Variants in MALRD1 observed in about 807,000 individuals in gnomAD.
MALRD1 encodes MAM and LDL receptor class A domain containing 1.
A neutral mutation model predicts 242.1 loss-of-function variants in MALRD1; 247 were observed. That is an observed-to-expected ratio of 1.02 (90% confidence interval 0.92 to 1.13). The LOEUF (loss-of-function observed/expected upper bound fraction) is 1.13, where lower values mean the gene tolerates loss of function less well. Ranked by LOEUF, MALRD1 falls within the 50% of genes most tolerant of loss-of-function variation. MALRD1 has a pLI of 0.00. For missense variants in MALRD1, 2,989 were observed against 2,533.1 expected (o/e 1.18, Z -3.86); for synonymous variants, 995 against 866.6 (o/e 1.15, Z -2.60).
chr10:19,432,956 C>T (rs1429165017), intron 28 of MALRD1, among the ~76,000 whole-genome samples: 2 of 152,084 alleles, frequency 1.3e-5, no homozygotes, highest in Non-Finnish European at 2.9e-5. Flanking sequence ...CATGCACACT[C>T]ATTATCTCTT....
chr10:19,107,302 G>C (rs1836498115), intron 5 of MALRD1, among the ~76,000 whole-genome samples: 1 of 151,794 alleles, frequency 6.6e-6, no homozygotes, highest in African/African-American at 2.4e-5. Context: ...TATATATTGG[G>C]AGGTCTAGTT....
At position 19,161,508 on chromosome 10, in the gene MALRD1, A is replaced by AT. The variant is rs1422786385; in HGVS notation, c.1657-4129_1657-4128insT. Among the ~76,000 whole-genome samples, 2 of 134,188 alleles carry AT rather than the reference A, an allele frequency of 1.5e-5. 1 individual carries two copies. Among genetic ancestry groups the AT allele is most frequent in the African/African-American group, 5.3e-5 (2 of 37,564 alleles). The allele number at this position is 134,188 out of a possible 152,430, so 88.0% of individuals were successfully genotyped here. A position where few individuals can be genotyped will look rare whatever the true frequency, so the allele number is the denominator to read the frequency against. On this transcript the variant is annotated intron_variant, in intron 12 of 39. Transcript: ENST00000454679. ...CCCTAAAACTTAGAGTATAATAAAAAAAATAAATAAATAAATATAATAAAA... is the reference window on the plus strand; with the variant it reads ...CCCTAAAACTTAGAGTATAATAAAAATAAATAAATAAATAAATATAATAAAA...
intron 29 of MALRD1, among the ~76,000 whole-genome samples, chr10:19,455,040 A>G (rs1835571176): frequency 6.6e-6 from 1 of 152,190 alleles, no homozygotes; most frequent in Non-Finnish European, 1.5e-5. Context: ...CTGTCCAGGA[A>G]CACAATAAGA....
At chr10:19,264,753 C>T (rs1345987100) in intron 19 of MALRD1, among the ~76,000 whole-genome samples, 1 of 151,936 alleles carries the variant, frequency 6.6e-6, no homozygotes, top group Non-Finnish European at 1.5e-5. Context: ...ACGCCCAGCC[C>T]AGGCTGATCT....
At chr10:19,068,730 A>C (rs1835054578) in intron 2 of MALRD1, among the ~76,000 whole-genome samples, 1 of 152,110 alleles carries the variant, frequency 6.6e-6, no homozygotes, top group Admixed American at 6.6e-5. Flanking sequence ...AATGGTCTGA[A>C]TCCTGTCTTT....
intron 32 of MALRD1, among the ~76,000 whole-genome samples, chr10:19,555,255 A>G (rs1051619050): frequency 6.6e-6 from 1 of 151,806 alleles, no homozygotes; most frequent in Admixed American, 6.6e-5. Context: ...TGACCCAAAC[A>G]CCTCCTACCA....
intron 9 of MALRD1, 31 bp downstream of exon 9, chr10:19,133,979 A>T: frequency 9.0e-7 from 1 of 1,110,650 alleles, no homozygotes; most frequent in Non-Finnish European, 1.1e-6. Flanking sequence ...GTATTTTTTT[A>T]TCATGGTTTA....
At chr10:19,137,201 AGTAGGAGGAGG>A (rs1588599166) in intron 10 of MALRD1, among the ~76,000 whole-genome samples, 1 of 151,990 alleles carries the variant, frequency 6.6e-6, no homozygotes, top group East Asian at 2.0e-4. Flanking sequence ...GGGAGGGATG[AGTAGGAGGAGG>A]GTGGCCCTTC....
chr10:19,194,405 A>ATCTCTTCTTTTTC (rs1302083933), intron 14 of MALRD1, among the ~76,000 whole-genome samples: 2 of 152,170 alleles, frequency 1.3e-5, no homozygotes. Context: ...ATCCAGTAAC[A>ATCTCTTCTTTTTC]ACAAAACGTT....
At chr10:19,217,953 A>G (rs1837395213) in intron 18 of MALRD1, among the ~76,000 whole-genome samples, 1 of 152,116 alleles carries the variant, frequency 6.6e-6, no homozygotes, top group African/African-American at 2.4e-5. Context: ...ATGTTTGTTG[A>G]GTGGCTGTTT....
chr10:19,367,295 C>G (rs576786426), intron 26 of MALRD1, among the ~76,000 whole-genome samples: 2 of 151,986 alleles, frequency 1.3e-5, no homozygotes, highest in Non-Finnish European at 2.9e-5. Context: ...CTCTAGTATC[C>G]TCTGTTCTAC....
chr10:19,481,639 C>T (rs1402751377), intron 29 of MALRD1, among the ~76,000 whole-genome samples: 1 of 151,974 alleles, frequency 6.6e-6, no homozygotes, highest in East Asian at 1.9e-4. Flanking sequence ...ATCTTCTAGT[C>T]ATATTTATTT....
chr10:19,588,736 G>A (rs1253796713), intron 33 of MALRD1, among the ~76,000 whole-genome samples: 1 of 152,132 alleles, frequency 6.6e-6, no homozygotes, highest in Non-Finnish European at 1.5e-5. Flanking sequence ...TCCACCTCCT[G>A]GGTTACAGTG....
intron 32 of MALRD1, among the ~76,000 whole-genome samples, chr10:19,533,832 C>T (rs1288786745): frequency 6.6e-6 from 1 of 152,230 alleles, no homozygotes; most frequent in Non-Finnish European, 1.5e-5. Flanking sequence ...AATATCCAAA[C>T]TGTATCAGCG....
At chr10:19,178,287 T>C (rs1292037961) in intron 14 of MALRD1, among the ~76,000 whole-genome samples, 1 of 152,226 alleles carries the variant, frequency 6.6e-6, no homozygotes, top group East Asian at 1.9e-4. Context: ...AAAAGGCATT[T>C]CTTATTGTTT....
chr10:19,623,789 G>T (rs533604022), intron 36 of MALRD1, among the ~76,000 whole-genome samples: 1 of 152,064 alleles, frequency 6.6e-6, no homozygotes, highest in South Asian at 2.1e-4. Context: ...TAGTGAAGGT[G>T]AATCTTTTTT....
At chr10:19,166,099 G>A (rs1161593389) in intron 13 of MALRD1, among the ~76,000 whole-genome samples, 1 of 152,162 alleles carries the variant, frequency 6.6e-6, no homozygotes, top group African/African-American at 2.4e-5. Flanking sequence ...GACATGTGTA[G>A]AATAGTAGCA....
intron 21 of MALRD1, among the ~76,000 whole-genome samples, chr10:19,302,773 C>A (rs1019499541): frequency 6.6e-6 from 1 of 151,254 alleles, no homozygotes; most frequent in Non-Finnish European, 1.5e-5. Context: ...AATTACAACT[C>A]AAGGCTAATT....
rs1484132630 is a variant in MALRD1, at chr10:19,176,366, C to CCTTTTTTTTTTTTTTTTTTTTTTT, written c.1951+1038_1951+1039insCTTTTTTTTTTTTTTTTTTTTTTT. On this transcript the variant is annotated intron_variant, in intron 14 of 39. Transcript: ENST00000454679. ...TCGAGAGAGTGTATATTTCTGGGTG[C>CCTTTTTTTTTTTTTTTTTTTTTTT]TTTTTTTTTTTTTTTTTTTGAGACG... Among the ~76,000 whole-genome samples, 18 of 87,292 alleles carry CCTTTTTTTTTTTTTTTTTTTTTTT rather than the reference C, an allele frequency of 2.1e-4. 1 individual carries two copies. Among genetic ancestry groups the CCTTTTTTTTTTTTTTTTTTTTTTT allele is most frequent in the African/African-American group, 7.8e-4 (18 of 23,108 alleles). The allele number at this position is 87,292 out of a possible 152,430, so 57.3% of individuals were successfully genotyped here.
Sources: gnomAD v4.1 joint callset for allele counts (sites outside exome capture counted in the v4.1 genomes callset) on GRCh38, gnomAD v4.1.1 for gene constraint, MANE v1.5 for transcripts, NCBI Gene and HGNC (gene_info 2026-07-23, HGNC 2026-07-21) for gene names.